The following NID1 variants were observed in gnomAD, a reference collection of about 807,000 sequenced individuals.
The protein encoded by NID1 is nidogen-1.
Under a neutral mutation model 130.6 loss-of-function variants are expected in NID1, and 76 were observed. That is an observed-to-expected ratio of 0.58 (90% CI 0.48 to 0.70). NID1 has a LOEUF of 0.70. Ranked by LOEUF, NID1 falls within the 30% of genes least tolerant of loss-of-function variation. NID1 has a pLI of 0.00. For missense variants in NID1, 1,517 were observed against 1,664.8 expected (o/e 0.91, Z 1.54); for synonymous variants, 665 against 675.1 (o/e 0.98, Z 0.23).
At chr1:236,052,895 AAATGAATGAATG>A (rs61159787) in intron 1 of NID1, among the ~76,000 whole-genome samples, 23 of 152,180 alleles carry the variant, frequency 1.5e-4, no homozygotes, top group African/African-American at 5.3e-4. Flanking sequence ...AGCAGCTGGA[AAATGAATGAATG>A]AATGAATGAA....
intron 15 of NID1, among the ~76,000 whole-genome samples, chr1:235,984,171 C>T (rs887077554): frequency 1.3e-5 from 2 of 152,208 alleles, no homozygotes. Flanking sequence ...CTATTCCCCT[C>T]TTCCACTGGG....
chr1:236,020,036 TAAA>T (rs57925295), intron 9 of NID1, among the ~76,000 whole-genome samples: 3,267 of 88,418 alleles, frequency 0.037, 183 homozygotes, highest in African/African-American at 0.13. Flanking sequence ...GACTCTGCCT[TAAA>T]AAAAAAAAAA....
intron 1 of NID1, among the ~76,000 whole-genome samples, chr1:236,057,400 A>C (rs1043066857): frequency 6.6e-6 from 1 of 152,078 alleles, no homozygotes; most frequent in Non-Finnish European, 1.5e-5. Flanking sequence ...CCTAGTTAAC[A>C]CTACATGCTT....
chr1:236,048,359 A>G (rs1659670994), intron 2 of NID1, among the ~76,000 whole-genome samples: 1 of 151,958 alleles, frequency 6.6e-6, no homozygotes, highest in Non-Finnish European at 1.5e-5. Context: ...ATAAATAAAT[A>G]AATAAATAAA....
intron 12 of NID1, among the ~76,000 whole-genome samples, chr1:236,006,988 G>A (rs1306905161): frequency 6.6e-6 from 1 of 152,126 alleles, no homozygotes; most frequent in African/African-American, 2.4e-5. Context: ...GTGAGAGAGG[G>A]ATGCAGGGTT....
intron 14 of NID1, among the ~76,000 whole-genome samples, chr1:235,987,346 C>T (rs1022747546): frequency 1.3e-5 from 2 of 152,188 alleles, no homozygotes; most frequent in African/African-American, 2.4e-5. Context: ...AAAGCCTTGT[C>T]GAGATCTTTT....
At chr1:236,038,379 G>C in intron 4 of NID1, 126 bp from the exon 5 acceptor site, 3 of 952,940 alleles carry the variant, frequency 3.1e-6, no homozygotes, top group Non-Finnish European at 4.5e-6. Flanking sequence ...CAAGGGACCA[G>C]GCTCACTACA....
At chr1:236,011,555 G>A (rs1307117851) in intron 12 of NID1, among the ~76,000 whole-genome samples, 6 of 152,044 alleles carry the variant, frequency 3.9e-5, no homozygotes, top group Admixed American at 2.0e-4. Context: ...CACCCACCTC[G>A]GCCTCCTAAA....
intron 12 of NID1, among the ~76,000 whole-genome samples, chr1:236,002,825 G>T (rs1303690443): frequency 1.3e-5 from 2 of 152,172 alleles, no homozygotes; most frequent in East Asian, 3.9e-4. Context: ...GGTCAGACGT[G>T]GCCACAGACA....
rs559204691 is a variant in NID1 at position 236,042,452 on chromosome 1, C to T, written c.753-160G>A. ...GGCACTGGCCGTCATGTCTGGGCGT[C>T]ATGTGGCTGAGGCAGTCTAGGGCTG... is the stretch of plus-strand genomic sequence containing the variant. On this transcript the variant is annotated intron_variant, in intron 3 of 19. Transcript: ENST00000264187. Among the ~76,000 whole-genome samples, 8 of 152,274 alleles carry T rather than the reference C, an allele frequency of 5.3e-5. No homozygotes were observed. In the East Asian group the frequency reaches 1.5e-3, roughly 29 times the overall value.
chr1:236,018,982 G>A lies in NID1; in HGVS notation c.2129-1709C>T, dbSNP rs151108677. On this transcript the variant is annotated intron_variant, in intron 9 of 19. Transcript: ENST00000264187. ...AACATTGCACAAGACAAGCATTCTTGATCACATCAGCCTCATAGTTTGTCC... is the reference window on the plus strand; with the variant it reads ...AACATTGCACAAGACAAGCATTCTTAATCACATCAGCCTCATAGTTTGTCC... Among the ~76,000 whole-genome samples the A allele has an allele frequency of 2.3e-3, 356 of 152,292 alleles. 1 individual carries two copies. The highest frequency in any genetic ancestry group is 8.4e-3 in the African/African-American group (348 of 41,562).
chr1:236,035,263 G>A lies in NID1; in HGVS notation c.1286-2611C>T, dbSNP rs371485003. Among the ~76,000 whole-genome samples, 22 of 98,672 alleles carry A rather than the reference G, an allele frequency of 2.2e-4. 1 individual carries two copies. In the East Asian group the frequency reaches 3.8e-3, roughly 17 times the overall value. 64.7% of individuals were successfully genotyped at this position (98,672 alleles called of 152,430 possible). ...GCGGTGTTTGGTTTTTTGTTCTTGC[G>A]ATAGTTTACTGAGAATGATGATTTC... On this transcript the variant is annotated intron_variant, in intron 5 of 19. Transcript: ENST00000264187.
At chr1:236,041,790 C>G (rs2385052) in intron 4 of NID1, 120 bp downstream of exon 4, 3 of 1,320,504 alleles carry the variant, frequency 2.3e-6, no homozygotes, top group Non-Finnish European at 3.1e-6. Context: ...TCTACTTTCC[C>G]AAGCTCTTAT....
Position 235,977,283 on chromosome 1 carries a change from A to C in NID1, c.*584T>G, listed in dbSNP as rs1434611835. ...GGTTTTGATGAAAAAGCAGCGCATG[A>C]ATATTATAATGGGGGTCTTAGACAA... On this transcript the variant is annotated 3_prime_UTR_variant, in exon 20 of 20. Coordinates refer to ENST00000264187, the MANE Select transcript of NID1 (RefSeq NM_002508.3). 1.3e-5 allele frequency: 2 copies of C among 152,678 alleles called. No individual in the cohort carries two copies. Among genetic ancestry groups the C allele is most frequent in the Non-Finnish European group, 2.9e-5 (2 of 68,412 alleles). 9.5% of individuals were successfully genotyped at this position (152,678 alleles called of 1,614,324 possible). A position where few individuals can be genotyped will look rare whatever the true frequency, so the allele number is the denominator to read the frequency against.
intron 1 of NID1, among the ~76,000 whole-genome samples, chr1:236,061,638 G>T (rs577377992): frequency 6.6e-6 from 1 of 151,724 alleles, no homozygotes; most frequent in Non-Finnish European, 1.5e-5. Context: ...GCTGTTTTTC[G>T]TATTTTTAGT....
At chr1:236,008,758 C>A (rs1201321906) in intron 12 of NID1, among the ~76,000 whole-genome samples, 1 of 152,114 alleles carries the variant, frequency 6.6e-6, no homozygotes, top group East Asian at 1.9e-4. Context: ...CCTCTGCCCC[C>A]CAGGTTCAAG....
rs552154763 is a variant in NID1, at chr1:236,026,019, C to T, written c.1861G>A (p.Asp621Asn). ...CTGGGCAGGGCTGGCCGGGAGTCATCGTGGACGCATTCCTGGAAGGTGATG... is the reference window on the plus strand; with the variant it reads ...CTGGGCAGGGCTGGCCGGGAGTCATTGTGGACGCATTCCTGGAAGGTGATG... ...QTITFQECVH[D>N]DSRPALPSTQ... The change falls in exon 8 of 20, where the codon GAT (aspartate) becomes AAT (asparagine). Residue 621 changes from aspartate to asparagine, a missense_variant. Physicochemically the swap from Asp to Asn is conservative, Grantham distance 23. Transcript: ENST00000264187. 11 of 1,613,178 alleles carry T rather than the reference C, an allele frequency of 6.8e-6. No individual in the cohort carries two copies. The highest frequency in any genetic ancestry group is 6.6e-5 in the South Asian group (6 of 91,028).
chr1:236,061,049 C>T lies in NID1; in HGVS notation c.225+3806G>A, dbSNP rs7550455. On this transcript the variant is annotated intron_variant, in intron 1 of 19. Coordinates refer to ENST00000264187, the MANE Select transcript of NID1 (RefSeq NM_002508.3). ...TGCCTTTCCAGAATGAACAGTATAT[C>T]AGTGTTACCCAAAAGTCATGGTTGA... 3.4e-3 allele frequency among the ~76,000 whole-genome samples: 516 copies of T among 152,296 alleles called. 3 individuals carry two copies. Among genetic ancestry groups the T allele is most frequent in the African/African-American group, 0.012 (491 of 41,550 alleles).
chr1:236,028,036 ATTG>A (rs1658990488), intron 7 of NID1, among the ~76,000 whole-genome samples: 1 of 152,196 alleles, frequency 6.6e-6, no homozygotes, highest in Non-Finnish European at 1.5e-5. Flanking sequence ...ATTTCTAGGA[ATTG>A]AGTCTTAGAA....
Sources: gnomAD v4.1 joint callset for allele counts (sites outside exome capture counted in the v4.1 genomes callset) on GRCh38, gnomAD v4.1.1 for gene constraint, MANE v1.5 for transcripts, NCBI Gene and HGNC (gene_info 2026-07-23, HGNC 2026-07-21) for gene names.